Variants in B3GALT1 observed in about 807,000 individuals in gnomAD.
B3GALT1 encodes UDP-Gal:betaGlcNAc beta 1,3-galactosyltransferase, polypeptide 1.
A neutral mutation model predicts 23.2 loss-of-function variants in B3GALT1; 10 were observed. The ratio of observed to expected loss-of-function variants is 0.43; its 90% CI spans 0.27 to 0.73. The LOEUF is 0.73. Among genes scored for constraint, B3GALT1 ranks in the 30% least tolerant of loss-of-function variants. B3GALT1 has a pLI of 0.21. For synonymous variants in B3GALT1, 156 were observed against 141.5 expected (o/e 1.10, Z -0.73); for missense variants, 299 against 405.4 (o/e 0.74, Z 2.25).
At chr2:167,603,884 G>T (rs1684916273) in intron 2 of B3GALT1, among the ~76,000 whole-genome samples, 3 of 142,766 alleles carry the variant, frequency 2.1e-5, no homozygotes, top group Non-Finnish European at 3.1e-5. Flanking sequence ...GTCTTTAAAA[G>T]AAAAAGTTCT....
At chr2:167,564,818 G>A (rs936374767) in intron 2 of B3GALT1, among the ~76,000 whole-genome samples, 5 of 152,198 alleles carry the variant, frequency 3.3e-5, no homozygotes, top group African/African-American at 1.2e-4. Flanking sequence ...AGGACCTCTT[G>A]AAGGAGAACT....
chr2:167,771,372 T>G (rs952183328), intron 3 of B3GALT1, among the ~76,000 whole-genome samples: 1 of 152,100 alleles, frequency 6.6e-6, no homozygotes, highest in African/African-American at 2.4e-5. Context: ...GGCAGCTCAC[T>G]TGAGGTCAAC....
At chr2:167,856,188 A>G (rs1242214581) in intron 4 of B3GALT1, among the ~76,000 whole-genome samples, 1 of 152,186 alleles carries the variant, frequency 6.6e-6, no homozygotes, top group African/African-American at 2.4e-5. Flanking sequence ...AAGTTTGTCT[A>G]TGATACAAGT....
At chr2:167,851,458 G>A (rs1215050837) in intron 4 of B3GALT1, among the ~76,000 whole-genome samples, 1 of 152,134 alleles carries the variant, frequency 6.6e-6, no homozygotes, top group Non-Finnish European at 1.5e-5. Context: ...AAGAAGCTGT[G>A]AGTAAAAACA....
rs1698254726 is a variant in B3GALT1, at chr2:167,405,193, A to C, written c.-510-84984A>C. 2.6e-5 allele frequency among the ~76,000 whole-genome samples: 4 copies of C among 152,156 alleles called. No homozygotes were observed. The South Asian group carries it at 8.3e-4, about 32-fold the overall frequency. ...TTTCTAATAGGTATAGCCAGTTTAT[A>C]AATGCTATTATTTAAGTATCTATAA... On this transcript the variant is annotated intron_variant, in intron 1 of 4. Transcript: ENST00000392690.
intron 1 of B3GALT1, among the ~76,000 whole-genome samples, chr2:167,403,246 C>G (rs949102408): frequency 1.3e-4 from 12 of 91,526 alleles, no homozygotes; most frequent in Non-Finnish European, 2.8e-4. Flanking sequence ...TTGTTCAATT[C>G]CCACCTGTGA....
At chr2:167,733,842 G>A (rs1687449951) in intron 3 of B3GALT1, among the ~76,000 whole-genome samples, 2 of 152,186 alleles carry the variant, frequency 1.3e-5, no homozygotes, top group Non-Finnish European at 2.9e-5. Flanking sequence ...ATGGTCTTAA[G>A]GAGATGTTGT....
chr2:167,529,938 C>A (rs1268017211), intron 2 of B3GALT1, among the ~76,000 whole-genome samples: 1 of 152,068 alleles, frequency 6.6e-6, no homozygotes, highest in African/African-American at 2.4e-5. Context: ...ATGTCACTCC[C>A]CTTCTCTCAG....
At chr2:167,745,932 C>T (rs1408901680) in intron 3 of B3GALT1, among the ~76,000 whole-genome samples, 1 of 151,946 alleles carries the variant, frequency 6.6e-6, no homozygotes, top group Non-Finnish European at 1.5e-5. Context: ...GATTAATATC[C>T]TCATATTATT....
At chr2:167,670,426 T>A (rs960777407) in intron 3 of B3GALT1, among the ~76,000 whole-genome samples, 3 of 152,086 alleles carry the variant, frequency 2.0e-5, no homozygotes, top group Non-Finnish European at 4.4e-5. Flanking sequence ...AACCAGTCAA[T>A]AAAGACTGGT....
At chr2:167,651,685 T>C (rs533058286) in intron 3 of B3GALT1, among the ~76,000 whole-genome samples, 1 of 152,298 alleles carries the variant, frequency 6.6e-6, no homozygotes, top group Admixed American at 6.5e-5. Flanking sequence ...ATTCAGCCCA[T>C]GATTCCTTTT....
chr2:167,389,539 G>C (rs1395916587), intron 1 of B3GALT1, among the ~76,000 whole-genome samples: 1 of 152,094 alleles, frequency 6.6e-6, no homozygotes, highest in Non-Finnish European at 1.5e-5. Flanking sequence ...AATACTTCAA[G>C]GCACAATAGA....
intron 3 of B3GALT1, among the ~76,000 whole-genome samples, chr2:167,810,148 A>T (rs1688855059): frequency 6.6e-6 from 1 of 151,000 alleles, no homozygotes; most frequent in Admixed American, 6.6e-5. Context: ...CAGTATTAGG[A>T]TGGGAGTGAC....
At chr2:167,675,344 T>C (rs1037913269) in intron 3 of B3GALT1, among the ~76,000 whole-genome samples, 1 of 152,214 alleles carries the variant, frequency 6.6e-6, no homozygotes, top group Non-Finnish European at 1.5e-5. Flanking sequence ...AAATATTTTA[T>C]GACACACCTG....
chr2:167,766,348 C>T (rs1323561251), intron 3 of B3GALT1, among the ~76,000 whole-genome samples: 1 of 152,058 alleles, frequency 6.6e-6, no homozygotes, highest in Non-Finnish European at 1.5e-5. Flanking sequence ...CTGTAGAAAT[C>T]GTAGCCACAT....
chr2:167,682,034 G>T (rs1283446123), intron 3 of B3GALT1, among the ~76,000 whole-genome samples: 1 of 151,928 alleles, frequency 6.6e-6, no homozygotes, highest in African/African-American at 2.4e-5. Flanking sequence ...AGCTGTTTTT[G>T]CTCCTTGCCT....
chr2:167,309,350 A>G (rs2105485037), intron 1 of B3GALT1, among the ~76,000 whole-genome samples: 1 of 152,210 alleles, frequency 6.6e-6, no homozygotes, highest in East Asian at 1.9e-4. Flanking sequence ...AAATAGCAAG[A>G]GTTGAGAATT....
At chr2:167,643,233 A>G (rs532687065) in intron 2 of B3GALT1, among the ~76,000 whole-genome samples, 39 of 152,370 alleles carry the variant, frequency 2.6e-4, no homozygotes, top group Non-Finnish European at 4.6e-4. Context: ...TGAGACATTC[A>G]GAGCCTTCTT....
chr2:167,508,775 TA>T lies in B3GALT1; in HGVS notation c.-410+18508del, dbSNP rs150612901. ...TACAATTTATTTTCTAAACTTTTCA[TA>T]AAAAAAAAAGAAAGGAAAAGTTTGG... On this transcript the variant is annotated intron_variant, in intron 2 of 4. Coordinates refer to ENST00000392690, the MANE Select transcript of B3GALT1 (RefSeq NM_020981.4). Among the ~76,000 whole-genome samples the T allele has an allele frequency of 1.9e-3, 269 of 145,112 alleles. 1 individual carries two copies. The highest frequency in any genetic ancestry group is 5.4e-3 in the African/African-American group (211 of 38,770).
Sources: allele counts gnomAD v4.1 joint callset (sites outside exome capture counted in the v4.1 genomes callset), GRCh38; gene constraint gnomAD v4.1.1; transcripts MANE v1.5; gene names NCBI Gene and HGNC (gene_info 2026-07-23, HGNC 2026-07-21).